The following ZNG1A variants were observed in gnomAD, a reference collection of about 807,000 sequenced individuals.
ZNG1A encodes Zn regulated GTPase metalloprotein activator 1A, also known as zinc-regulated GTPase metalloprotein activator 1A.
At chr9:140,119 T>C in the ZNG1A span, among the ~76,000 whole-genome samples, 1 of 150,524 alleles carries the variant, frequency 6.6e-6, no homozygotes, top group Non-Finnish European at 1.5e-5. Context: ...CTTGATTAGG[T>C]AAACAAAGCA....
At chr9:173,544 C>T in the ZNG1A span, among the ~76,000 whole-genome samples, 18 of 151,726 alleles carry the variant, frequency 1.2e-4, 1 homozygote, top group East Asian at 3.1e-3. Flanking sequence ...ATTATTTTAG[C>T]TTTTATTTAA....
chr9:121,859 T>G, the ZNG1A span: 1 of 1,528,562 alleles, frequency 6.5e-7, no homozygotes, highest in Non-Finnish European at 8.8e-7. Context: ...TATTTAGTTT[T>G]AAAAGAGGAC....
chr9:146,778 A>G, the ZNG1A span: 6 of 99,774 alleles, frequency 6.0e-5, no homozygotes, highest in Non-Finnish European at 9.9e-5. Flanking sequence ...ATCAGGTGAG[A>G]ATAAATAACA....
At chr9:140,880 A>G in the ZNG1A span, among the ~76,000 whole-genome samples, 1 of 146,088 alleles carries the variant, frequency 6.8e-6, no homozygotes, top group African/African-American at 2.6e-5. Flanking sequence ...AGGCTCGAGA[A>G]CTACGTGAAG....
the ZNG1A span, among the ~76,000 whole-genome samples, chr9:128,158 AGAT>A: frequency 1.3e-5 from 2 of 151,618 alleles, no homozygotes; most frequent in Non-Finnish European, 2.9e-5. Flanking sequence ...CAATGTGCCT[AGAT>A]GATGATCTTT....
the ZNG1A span, among the ~76,000 whole-genome samples, chr9:136,858 C>T: frequency 1.3e-5 from 2 of 151,820 alleles, no homozygotes; most frequent in Non-Finnish European, 2.9e-5. Context: ...AGCAACGTAG[C>T]GAGAGCCTGT....
the ZNG1A span, chr9:171,852 T>G: frequency 1.2e-5 from 7 of 577,508 alleles, no homozygotes; most frequent in East Asian, 2.2e-4. Flanking sequence ...AGTCAATCAA[T>G]AAAACTTCAA....
the ZNG1A span, among the ~76,000 whole-genome samples, chr9:138,080 A>C: frequency 6.6e-6 from 1 of 151,396 alleles, no homozygotes; most frequent in Non-Finnish European, 1.5e-5. Flanking sequence ...CATGTAATTC[A>C]GGTATACCAA....
At chr9:159,093 T>C in the ZNG1A span, among the ~76,000 whole-genome samples, 1 of 150,346 alleles carries the variant, frequency 6.7e-6, no homozygotes, top group South Asian at 2.1e-4. Context: ...GAAGAAAAAA[T>C]TTTTGCAAAA....
chr9:157,488 A>T, the ZNG1A span, among the ~76,000 whole-genome samples: 4 of 131,096 alleles, frequency 3.1e-5, no homozygotes, highest in African/African-American at 1.2e-4. Flanking sequence ...AACTTTACAA[A>T]TGAATTAAAT....
At chr9:152,971 T>A in the ZNG1A span, 1 of 135,780 alleles carries the variant, frequency 7.4e-6, no homozygotes, top group African/African-American at 2.8e-5. Context: ...TTTTTTCACC[T>A]CCCCAAATAT....
chr9:172,549 C>T, the ZNG1A span: 1 of 166,780 alleles, frequency 6.0e-6, no homozygotes. Flanking sequence ...TGATATTAAA[C>T]ACCATATAAT....
the ZNG1A span, chr9:121,464 G>C: frequency 2.5e-6 from 4 of 1,610,950 alleles, no homozygotes; most frequent in Non-Finnish European, 3.4e-6. Context: ...AATGCCTCTA[G>C]TGTTATGTAC....
At chr9:164,375 C>T in the ZNG1A span, 1 of 179,310 alleles carries the variant, frequency 5.6e-6, no homozygotes, top group Non-Finnish European at 1.1e-5. Context: ...TGGCTTTGTG[C>T]ACATCAGACT....
the ZNG1A span, among the ~76,000 whole-genome samples, chr9:140,385 A>C: frequency 6.7e-6 from 1 of 149,670 alleles, no homozygotes; most frequent in Admixed American, 6.6e-5. Context: ...ACTGGGAGGC[A>C]CCCCCTAGCA....
At chr9:157,623 A>G in the ZNG1A span, among the ~76,000 whole-genome samples, 2 of 150,206 alleles carry the variant, frequency 1.3e-5, no homozygotes, top group African/African-American at 4.9e-5. Flanking sequence ...ATCACAGGAT[A>G]CTATATTTTA....
the ZNG1A span, among the ~76,000 whole-genome samples, chr9:176,569 T>C: frequency 1.3e-5 from 2 of 152,158 alleles, no homozygotes; most frequent in Admixed American, 6.5e-5. Context: ...AGGGTATTAA[T>C]ATCTTTTAGG....
the ZNG1A span, among the ~76,000 whole-genome samples, chr9:138,663 C>T: frequency 6.9e-6 from 1 of 144,432 alleles, no homozygotes; most frequent in Non-Finnish European, 1.5e-5. Flanking sequence ...CTTTGGGAGG[C>T]TGAGGCATGA....
the ZNG1A span, chr9:173,388 A>G: frequency 4.4e-5 from 70 of 1,603,850 alleles, 4 homozygotes; most frequent in African/African-American, 7.3e-4. Flanking sequence ...AACAAACAGC[A>G]CTCTTTAGCT....
Sources: gnomAD v4.1 joint callset for allele counts (sites outside exome capture counted in the v4.1 genomes callset) on GRCh38, gnomAD v4.1.1 for gene constraint, MANE v1.5 for transcripts, NCBI Gene and HGNC (gene_info 2026-07-23, HGNC 2026-07-21) for gene names.